SPOCK3: variants seen among roughly 807,000 people sequenced by gnomAD.
SPOCK3 encodes testican-3.
SPOCK3 carries 30 observed loss-of-function variants against 56.6 expected under a neutral mutation model. That is an observed-to-expected ratio of 0.53 (90% confidence interval 0.40 to 0.72). The LOEUF is 0.72. Ranked by LOEUF, SPOCK3 falls within the 30% of genes least tolerant of loss-of-function variation. SPOCK3 has a pLI of 0.00. For missense variants in SPOCK3, 527 were observed against 530.0 expected, an observed-to-expected ratio of 0.99 and a Z score of 0.06; for synonymous variants, 196 against 183.3, an observed-to-expected ratio of 1.07 and a Z score of -0.56.
chr4:167,091,838 AAAT>A (rs1436269673), intron 2 of SPOCK3, among the ~76,000 whole-genome samples: 1 of 152,170 alleles, frequency 6.6e-6, no homozygotes, highest in Non-Finnish European at 1.5e-5. Flanking sequence ...TATTTTTGCC[AAAT>A]AATATTCAAA....
intron 7 of SPOCK3, among the ~76,000 whole-genome samples, chr4:166,774,575 A>C (rs990857282): frequency 2.0e-5 from 3 of 152,224 alleles, no homozygotes; most frequent in African/African-American, 7.2e-5. Flanking sequence ...TCTGATCCAC[A>C]GTAAATATTC....
chr4:167,065,102 T>C (rs986753576), intron 2 of SPOCK3, among the ~76,000 whole-genome samples: 1 of 139,714 alleles, frequency 7.2e-6, no homozygotes, highest in Non-Finnish European at 1.5e-5. Flanking sequence ...TTTATTGCTA[T>C]AGTAAATGCA....
chr4:166,750,625 T>C (rs1037865122), intron 8 of SPOCK3, among the ~76,000 whole-genome samples: 4 of 152,174 alleles, frequency 2.6e-5, no homozygotes, highest in Non-Finnish European at 5.9e-5. Context: ...TGTTCTGCAT[T>C]CTGAATTTAA....
intron 2 of SPOCK3, among the ~76,000 whole-genome samples, chr4:167,096,154 T>C (rs1759134067): frequency 6.6e-6 from 1 of 151,946 alleles, no homozygotes; most frequent in Non-Finnish European, 1.5e-5. Context: ...GATAGGAAGC[T>C]TCAATATCAT....
At chr4:166,812,614 T>C (rs545452086) in intron 6 of SPOCK3, among the ~76,000 whole-genome samples, 3 of 151,948 alleles carry the variant, frequency 2.0e-5, no homozygotes, top group Non-Finnish European at 4.4e-5. Context: ...TTTTTAGAAA[T>C]AGTGCTTCTA....
At chr4:167,148,389 T>C (rs1167198357) in intron 2 of SPOCK3, among the ~76,000 whole-genome samples, 1 of 152,090 alleles carries the variant, frequency 6.6e-6, no homozygotes, top group Non-Finnish European at 1.5e-5. Flanking sequence ...TGGTCAGAGA[T>C]GATAATAGAC....
chr4:167,071,608 T>C (rs1756693611), intron 2 of SPOCK3, among the ~76,000 whole-genome samples: 1 of 143,250 alleles, frequency 7.0e-6, no homozygotes, highest in Non-Finnish European at 1.5e-5. Flanking sequence ...CCATGGTGTA[T>C]ATGTGCCACA....
At chr4:167,222,740 T>C (rs1429830987) in intron 2 of SPOCK3, among the ~76,000 whole-genome samples, 9 of 130,500 alleles carry the variant, frequency 6.9e-5, no homozygotes, top group African/African-American at 2.6e-4. Context: ...TATATAAATA[T>C]ATAAACATAG....
intron 7 of SPOCK3, among the ~76,000 whole-genome samples, chr4:166,791,627 T>TA (rs1370138061): frequency 2.6e-5 from 4 of 152,150 alleles, no homozygotes; most frequent in South Asian, 2.1e-4. Context: ...TCCAAGGAAT[T>TA]AAAAAAACTT....
chr4:167,113,269 CT>C (rs1761051935), intron 2 of SPOCK3, among the ~76,000 whole-genome samples: 1 of 152,044 alleles, frequency 6.6e-6, no homozygotes, highest in Admixed American at 6.6e-5. Context: ...CTCTATAAAT[CT>C]TTTTCTACAC....
chr4:166,853,475 A>G (rs1411628246), intron 6 of SPOCK3, among the ~76,000 whole-genome samples: 2 of 152,236 alleles, frequency 1.3e-5, no homozygotes, highest in Non-Finnish European at 2.9e-5. Context: ...CAACTATTCA[A>G]GGTCACAATA....
At chr4:166,974,085 C>G (rs1745684604) in intron 4 of SPOCK3, among the ~76,000 whole-genome samples, 1 of 152,076 alleles carries the variant, frequency 6.6e-6, no homozygotes, top group Non-Finnish European at 1.5e-5. Context: ...GCAAAGTCCA[C>G]CAGTTCATCT....
intron 4 of SPOCK3, among the ~76,000 whole-genome samples, chr4:166,961,031 A>T (rs1309521885): frequency 6.6e-6 from 1 of 152,206 alleles, no homozygotes; most frequent in Non-Finnish European, 1.5e-5. Flanking sequence ...TTTTACATTT[A>T]TTGAACTACA....
At chr4:167,109,303 T>TTATTAATATATTAATA (rs1266178135) in intron 2 of SPOCK3, among the ~76,000 whole-genome samples, 1 of 88,846 alleles carries the variant, frequency 1.1e-5, no homozygotes, top group Non-Finnish European at 2.0e-5. Context: ...TAAATAATAA[T>TTATTAATATATTAATA]TATTAATATA....
intron 2 of SPOCK3, among the ~76,000 whole-genome samples, chr4:167,116,585 T>TGTGTATATATACGTATATACTATATAC (rs1561233560): frequency 4.4e-5 from 5 of 113,600 alleles, no homozygotes; most frequent in African/African-American, 1.8e-4. Flanking sequence ...TATATAGTTT[T>TGTGTATATATACGTATATACTATATAC]GTATATATAT....
intron 2 of SPOCK3, among the ~76,000 whole-genome samples, chr4:167,065,051 A>AAAAAAAAAAAAAAAAAAAC (rs1344694624): frequency 6.7e-6 from 1 of 150,354 alleles, no homozygotes; most frequent in African/African-American, 2.4e-5. Context: ...AAAAAAAAAA[A>AAAAAAAAAAAAAAAAAAAC]AAAAAAAAAG....
At chr4:166,746,384 A>T (rs1193012902) in intron 8 of SPOCK3, among the ~76,000 whole-genome samples, 2 of 152,200 alleles carry the variant, frequency 1.3e-5, no homozygotes, top group Non-Finnish European at 2.9e-5. Context: ...CCTGCTCCTT[A>T]CTGGGTACAT....
intron 4 of SPOCK3, among the ~76,000 whole-genome samples, chr4:166,936,541 T>C (rs1385058497): frequency 6.6e-6 from 1 of 152,066 alleles, no homozygotes; most frequent in Non-Finnish European, 1.5e-5. Flanking sequence ...TTTTTTAATG[T>C]CTGTAGGATC....
intron 5 of SPOCK3, among the ~76,000 whole-genome samples, chr4:166,894,414 T>G (rs555658948): frequency 1.3e-5 from 2 of 151,992 alleles, no homozygotes; most frequent in African/African-American, 4.8e-5. Context: ...AAACTGAAAA[T>G]GAGAAATGGA....
Sources: gnomAD v4.1 joint callset for allele counts (sites outside exome capture counted in the v4.1 genomes callset) on GRCh38, gnomAD v4.1.1 for gene constraint, MANE v1.5 for transcripts, NCBI Gene and HGNC (gene_info 2026-07-23, HGNC 2026-07-21) for gene names.